Variants in ARHGEF4 observed in about 807,000 individuals in gnomAD.
The protein encoded by ARHGEF4 is Rho guanine nucleotide exchange factor 4, also known as APC-stimulated guanine nucleotide exchange factor 1.
ARHGEF4 carries 119 observed loss-of-function variants against 162.0 expected under a neutral mutation model. That is an observed-to-expected ratio of 0.73 (90% CI 0.63 to 0.86). The LOEUF (loss-of-function observed/expected upper bound fraction) is 0.86. ARHGEF4 is among the 40% of genes least tolerant of loss of function. ARHGEF4 has a pLI of 0.00. For missense variants in ARHGEF4, 2,488 were observed against 2,456.0 expected (o/e 1.01, Z -0.28); for synonymous variants, 1,014 against 979.9 (o/e 1.03, Z -0.65).
chr2:130,848,901 G>A (rs1681189069), intron 1 of ARHGEF4, among the ~76,000 whole-genome samples: 1 of 152,174 alleles, frequency 6.6e-6, no homozygotes, highest in Non-Finnish European at 1.5e-5. Flanking sequence ...TGGAGCTGGA[G>A]GGTGGTGGGC....
intron 2 of ARHGEF4, among the ~76,000 whole-genome samples, chr2:130,925,116 TC>T (rs1361901043): frequency 7.9e-5 from 12 of 151,962 alleles, no homozygotes; most frequent in Admixed American, 3.3e-4. Context: ...ATGAACATTT[TC>T]TAGCCTTTAA....
At chr2:131,023,470 C>T (rs546131639) in intron 4 of ARHGEF4, among the ~76,000 whole-genome samples, 6 of 152,058 alleles carry the variant, frequency 3.9e-5, no homozygotes, top group African/African-American at 4.8e-5. Flanking sequence ...GATATATCAC[C>T]AAAGAGGATA....
intron 4 of ARHGEF4, among the ~76,000 whole-genome samples, chr2:130,996,039 G>A (rs1204053500): frequency 6.6e-6 from 1 of 151,914 alleles, no homozygotes; most frequent in Non-Finnish European, 1.5e-5. Context: ...ACAGGCGCCC[G>A]CCACCATGCC....
intron 4 of ARHGEF4, among the ~76,000 whole-genome samples, chr2:131,013,718 A>C (rs1446974700): frequency 1.3e-5 from 2 of 152,178 alleles, no homozygotes; most frequent in Non-Finnish European, 2.9e-5. Context: ...CTCCCACCTC[A>C]GCCTTCCAAG....
Position 131,040,316 on chromosome 2 carries a change from G to C in ARHGEF4, c.4538G>C (p.Arg1513Pro). ...RADMFSEEQL[R>P]TIFGNIEDIY... ...GACATGTTCAGCGAGGAGCAGCTGC[G>C]TACCATCTTCGGGAACATCGAGGAC... Residue 1513 changes from arginine to proline, a missense_variant, in exon 8 of 14, where the codon CGT becomes CCT. Around this residue, in one of 6 missense-constraint regions of ARHGEF4, gnomAD observed 415 missense variants for 512.4 expected, o/e 0.81. Coordinates refer to ENST00000409359, the MANE Select transcript of ARHGEF4 (RefSeq NM_001367493.1). 1 of 1,612,970 alleles carries C rather than the reference G, an allele frequency of 6.2e-7. No homozygotes were observed. Among genetic ancestry groups the C allele is most frequent in the Non-Finnish European group, 8.5e-7 (1 of 1,179,828 alleles).
chr2:130,925,599 G>T (rs1335898246), intron 2 of ARHGEF4, among the ~76,000 whole-genome samples: 4 of 152,154 alleles, frequency 2.6e-5, no homozygotes, highest in Non-Finnish European at 5.9e-5. Flanking sequence ...CTGGATAAAA[G>T]ATTCTAAGTT....
intron 3 of ARHGEF4, among the ~76,000 whole-genome samples, chr2:130,944,742 T>C (rs1468837697): frequency 6.6e-6 from 1 of 152,236 alleles, no homozygotes; most frequent in East Asian, 1.9e-4. Context: ...CTGTGTCTTC[T>C]TGGTGTTGCC....
chr2:130,855,023 G>A (rs1039770930), intron 1 of ARHGEF4, among the ~76,000 whole-genome samples: 1 of 151,324 alleles, frequency 6.6e-6, no homozygotes, highest in Middle Eastern at 3.4e-3. Context: ...ACAGGCGCCC[G>A]CGACCACGCC....
intron 1 of ARHGEF4, among the ~76,000 whole-genome samples, chr2:130,847,393 A>G (rs1681060730): frequency 6.6e-6 from 1 of 152,234 alleles, no homozygotes. Flanking sequence ...TCTGGAAGAC[A>G]GGAGGTTTCA....
intron 4 of ARHGEF4, among the ~76,000 whole-genome samples, chr2:131,015,102 T>C (rs141040977): frequency 6.6e-6 from 1 of 152,232 alleles, no homozygotes; most frequent in Non-Finnish European, 1.5e-5. Context: ...GGGTTGTATG[T>C]TCTCAGAAAA....
chr2:130,856,955 G>A (rs866824034), intron 1 of ARHGEF4, among the ~76,000 whole-genome samples: 2 of 152,352 alleles, frequency 1.3e-5, no homozygotes, highest in Middle Eastern at 6.8e-3. Context: ...GGGTGCAGTG[G>A]CTCACGCCTG....
chr2:130,867,884 A>G (rs1031715401), intron 1 of ARHGEF4, among the ~76,000 whole-genome samples: 10 of 150,434 alleles, frequency 6.6e-5, no homozygotes, highest in Non-Finnish European at 1.2e-4. Flanking sequence ...TTTGGCTTCA[A>G]CGCTGCGTGT....
intron 1 of ARHGEF4, among the ~76,000 whole-genome samples, chr2:130,881,963 C>T (rs955856239): frequency 2.6e-5 from 4 of 152,142 alleles, no homozygotes; most frequent in East Asian, 1.9e-4. Context: ...CCTCAGGCAG[C>T]GCTTGGGGTA....
chr2:130,993,973 T>TTTCA (rs1687220460), intron 4 of ARHGEF4, among the ~76,000 whole-genome samples: 1 of 152,130 alleles, frequency 6.6e-6, no homozygotes, highest in Non-Finnish European at 1.5e-5. Flanking sequence ...AGAGATGGGG[T>TTTCA]TTCACCATGT....
chr2:130,957,584 G>T (rs920417693), intron 4 of ARHGEF4, among the ~76,000 whole-genome samples: 12 of 152,158 alleles, frequency 7.9e-5, no homozygotes, highest in African/African-American at 2.9e-4. Flanking sequence ...TTGTTAAATT[G>T]TACACTCGTG....
intron 1 of ARHGEF4, among the ~76,000 whole-genome samples, chr2:130,907,014 GT>G (rs1680854743): frequency 6.6e-6 from 1 of 152,060 alleles, no homozygotes; most frequent in African/African-American, 2.4e-5. Context: ...CCCTTTAGTA[GT>G]AAAATCATTC....
At chr2:130,960,679 G>A (rs1684573487) in intron 4 of ARHGEF4, among the ~76,000 whole-genome samples, 1 of 152,148 alleles carries the variant, frequency 6.6e-6, no homozygotes, top group Admixed American at 6.5e-5. Flanking sequence ...AATAGTATCA[G>A]AAGTGGGCCT....
intron 3 of ARHGEF4, among the ~76,000 whole-genome samples, chr2:130,940,724 G>A (rs1290603086): frequency 2.0e-5 from 3 of 149,838 alleles, no homozygotes; most frequent in Non-Finnish European, 4.4e-5. Flanking sequence ...CCAGCTACTC[G>A]GAGAGGCTGA....
chr2:130,923,398 T>G (rs555853275), intron 2 of ARHGEF4, among the ~76,000 whole-genome samples: 5 of 152,328 alleles, frequency 3.3e-5, no homozygotes, highest in African/African-American at 1.2e-4. Context: ...AACTGGCATT[T>G]GTGTTCCATT....
Sources: gnomAD v4.1 joint callset for allele counts (sites outside exome capture counted in the v4.1 genomes callset) on GRCh38, gnomAD v4.1.1 for gene constraint, gnomAD v4.1.1 regional missense constraint, MANE v1.5 for transcripts, NCBI Gene and HGNC (gene_info 2026-07-23, HGNC 2026-07-21) for gene names.